The following ERC2 variants were observed in gnomAD, a reference collection of about 807,000 sequenced individuals.
ERC2 encodes ELKS/RAB6-interacting/CAST family member 2, also known as ERC protein 2.
Under a neutral mutation model 114.8 loss-of-function variants are expected in ERC2, and 42 were observed. The observed-to-expected ratio is 0.37, with a 90% CI of 0.29 to 0.47. ERC2 has a LOEUF of 0.47. Ranked by LOEUF, ERC2 falls within the 20% of genes least tolerant of loss-of-function variation. The pLI is 0.99. For missense variants in ERC2, 939 were observed against 1,150.7 expected (o/e 0.82, Z 2.66); for synonymous variants, 454 against 425.5 (o/e 1.07, Z -0.82).
chr3:55,931,510 C>T (rs868628479), intron 13 of ERC2, among the ~76,000 whole-genome samples: 1 of 152,076 alleles, frequency 6.6e-6, no homozygotes, highest in Non-Finnish European at 1.5e-5. Flanking sequence ...GAACAGAAAA[C>T]CAAACAGCAC....
intron 3 of ERC2, among the ~76,000 whole-genome samples, chr3:56,274,275 G>A (rs1227310855): frequency 1.3e-5 from 2 of 152,170 alleles, no homozygotes; most frequent in Non-Finnish European, 2.9e-5. Context: ...ATGATCTGGG[G>A]TGAAACAGCT....
intron 14 of ERC2, 126 bp downstream of exon 14, chr3:55,888,263 C>A (rs541630296): frequency 1.3e-4 from 150 of 1,115,842 alleles, no homozygotes; most frequent in Non-Finnish European, 1.8e-4. Flanking sequence ...TCAGAAATGA[C>A]CAGGCAAGTG....
chr3:55,797,826 T>C (rs9828955), intron 14 of ERC2, among the ~76,000 whole-genome samples: 1,842 of 152,154 alleles, frequency 0.012, 46 homozygotes, highest in African/African-American at 0.042. Flanking sequence ...AATAAAATAA[T>C]TAAATGAAAA....
intron 3 of ERC2, among the ~76,000 whole-genome samples, chr3:56,248,872 A>T (rs1373524682): frequency 6.6e-6 from 1 of 152,262 alleles, no homozygotes; most frequent in African/African-American, 2.4e-5. Flanking sequence ...ACGTACACAG[A>T]AAAGAGTTCT....
At chr3:56,378,321 A>AC (rs1201071070) in intron 2 of ERC2, among the ~76,000 whole-genome samples, 1 of 145,552 alleles carries the variant, frequency 6.9e-6, no homozygotes, top group African/African-American at 2.6e-5. Context: ...TATTGCAAGA[A>AC]TAAAAAACCA....
intron 3 of ERC2, among the ~76,000 whole-genome samples, chr3:56,243,394 G>C (rs998520739): frequency 2.6e-5 from 4 of 152,188 alleles, no homozygotes; most frequent in African/African-American, 9.6e-5. Context: ...CTGCTGACAA[G>C]GGAAAAAGAT....
intron 3 of ERC2, among the ~76,000 whole-genome samples, chr3:56,213,735 T>A (rs1231735266): frequency 6.6e-6 from 1 of 152,064 alleles, no homozygotes; most frequent in Non-Finnish European, 1.5e-5. Context: ...GGTCCCTGAC[T>A]CCCGAGTAGC....
At chr3:55,950,883 C>T (rs2067454283) in intron 12 of ERC2, among the ~76,000 whole-genome samples, 1 of 152,126 alleles carries the variant, frequency 6.6e-6, no homozygotes, top group Non-Finnish European at 1.5e-5. Context: ...AAACAAATAG[C>T]ATGCTGTGAG....
intron 1 of ERC2, among the ~76,000 whole-genome samples, chr3:56,446,191 C>T (rs2062554107): frequency 1.3e-5 from 2 of 152,078 alleles, no homozygotes; most frequent in Non-Finnish European, 2.9e-5. Flanking sequence ...TCTTAGGTGC[C>T]CAGGATTCAG....
chr3:56,105,121 G>A (rs1256699051), intron 6 of ERC2, among the ~76,000 whole-genome samples: 4 of 152,014 alleles, frequency 2.6e-5, no homozygotes, highest in Non-Finnish European at 5.9e-5. Context: ...ATGGGCAGAT[G>A]CCAGGCATGT....
intron 13 of ERC2, among the ~76,000 whole-genome samples, chr3:55,922,002 T>C (rs908033832): frequency 6.6e-6 from 1 of 152,098 alleles, no homozygotes; most frequent in East Asian, 1.9e-4. Context: ...TGCTTTGCCC[T>C]ACACATTAGC....
rs1477621928 is a variant in ERC2 at position 56,045,188 on chromosome 3, C to A, written c.1642-26157G>T. Reference sequence around the variant, plus strand: ...AAATAGAGATTAAAGTGCATTTTACCCTCATCAGACTATCTCTAAAAGAGG... The same window carrying A: ...AAATAGAGATTAAAGTGCATTTTACACTCATCAGACTATCTCTAAAAGAGG... On this transcript the variant is annotated intron_variant, in intron 7 of 17. Coordinates refer to ENST00000288221, the MANE Select transcript of ERC2 (RefSeq NM_015576.3). 2.0e-5 allele frequency among the ~76,000 whole-genome samples: 3 copies of A among 151,964 alleles called. No homozygotes were observed. The South Asian group carries it at 6.3e-4, about 32-fold the overall frequency.
At chr3:55,883,916 CA>C (rs750472884) in intron 14 of ERC2, among the ~76,000 whole-genome samples, 11,283 of 151,896 alleles carry the variant, frequency 0.074, 497 homozygotes, top group South Asian at 0.15. Flanking sequence ...ACAACAACAA[CA>C]ACAACAACAA....
intron 12 of ERC2, among the ~76,000 whole-genome samples, chr3:55,967,829 C>T (rs978699886): frequency 2.0e-5 from 3 of 152,240 alleles, no homozygotes; most frequent in Admixed American, 6.5e-5. Flanking sequence ...CCTCTCTCAC[C>T]GTTTCTGTTG....
At chr3:55,645,650 G>T (rs1360353804) in intron 17 of ERC2, among the ~76,000 whole-genome samples, 1 of 152,184 alleles carries the variant, frequency 6.6e-6, no homozygotes, top group African/African-American at 2.4e-5. Context: ...GATGATCCAG[G>T]AAAGACAGAT....
intron 6 of ERC2, among the ~76,000 whole-genome samples, chr3:56,106,430 C>T (rs9855690): frequency 0.015 from 2,327 of 152,278 alleles, 51 homozygotes; most frequent in African/African-American, 0.037. Context: ...AACGAGGACA[C>T]AACAATAAGT....
intron 17 of ERC2, among the ~76,000 whole-genome samples, chr3:55,567,238 T>G (rs934062085): frequency 6.6e-6 from 1 of 151,986 alleles, no homozygotes; most frequent in African/African-American, 2.4e-5. Context: ...GAGTTGTGAG[T>G]TGGAGAAACT....
chr3:55,585,471 T>C (rs909233039), intron 17 of ERC2, among the ~76,000 whole-genome samples: 2 of 152,190 alleles, frequency 1.3e-5, no homozygotes, highest in Non-Finnish European at 2.9e-5. Flanking sequence ...GGTTCCATAA[T>C]AATCCAACTA....
At chr3:56,111,847 T>C (rs2078979601) in intron 6 of ERC2, among the ~76,000 whole-genome samples, 1 of 152,190 alleles carries the variant, frequency 6.6e-6, no homozygotes, top group African/African-American at 2.4e-5. Flanking sequence ...CTGCAACAAA[T>C]ATTGCTGAAC....
Sources: gnomAD v4.1 joint callset for allele counts (sites outside exome capture counted in the v4.1 genomes callset) on GRCh38, gnomAD v4.1.1 for gene constraint, MANE v1.5 for transcripts, NCBI Gene and HGNC (gene_info 2026-07-23, HGNC 2026-07-21) for gene names.